ATP11B: variants seen among roughly 807,000 people sequenced by gnomAD.
The protein encoded by ATP11B is ATPase phospholipid transporting 11B (putative).
Under a neutral mutation model 157.8 loss-of-function variants are expected in ATP11B, and 81 were observed. That is an observed-to-expected ratio of 0.51 (90% CI 0.43 to 0.62). The LOEUF (loss-of-function observed/expected upper bound fraction) is 0.62, where lower values mean the gene tolerates loss of function less well. Among genes scored for constraint, ATP11B ranks in the 20% least tolerant of loss-of-function variants. The pLI is 0.00. For missense variants in ATP11B, 1,165 were observed against 1,402.2 expected (o/e 0.83, Z 2.70); for synonymous variants, 451 against 469.4 (o/e 0.96, Z 0.51).
At chr3:182,884,161 T>C (rs1433325259) in intron 21 of ATP11B, among the ~76,000 whole-genome samples, 1 of 152,094 alleles carries the variant, frequency 6.6e-6, no homozygotes, top group Non-Finnish European at 1.5e-5. Flanking sequence ...TTTTGAAACC[T>C]TAAGGATTAT....
chr3:182,836,709 A>G, intron 6 of ATP11B: 1 of 493,592 alleles, frequency 2.0e-6, no homozygotes. Context: ...GAAAAATATA[A>G]TCTTTTACTA....
At chr3:182,824,006 C>G (rs189827242) in intron 2 of ATP11B, among the ~76,000 whole-genome samples, 1 of 152,078 alleles carries the variant, frequency 6.6e-6, no homozygotes, top group East Asian at 1.9e-4. Context: ...CTCCTCACCC[C>G]CCAGGCACTA....
At chr3:182,805,760 C>T (rs143716726) in intron 1 of ATP11B, among the ~76,000 whole-genome samples, 5 of 151,886 alleles carry the variant, frequency 3.3e-5, no homozygotes, top group African/African-American at 1.2e-4. Flanking sequence ...CGCACTGGGC[C>T]GCTTGTTTTT....
At chr3:182,901,471 T>G (rs913230521) in intron 28 of ATP11B, among the ~76,000 whole-genome samples, 9 of 152,182 alleles carry the variant, frequency 5.9e-5, no homozygotes, top group Non-Finnish European at 1.2e-4. Context: ...TTATACTTAT[T>G]GATTTAGCAT....
chr3:182,836,399 C>T lies in ATP11B; in HGVS notation c.481C>T (p.Leu161=). The change falls in exon 6 of 30, where the codon CTG becomes TTG. Residue 161 remains leucine, a synonymous_variant. Transcript: ENST00000323116. ...AATTTTTCCTGCAGACTTGGTGCTTCTGTCCTCAGATCGACTGGATGGTTC... is the reference window on the plus strand; with the variant it reads ...AATTTTTCCTGCAGACTTGGTGCTTTTGTCCTCAGATCGACTGGATGGTTC... ...DEIFPADLVL[L]SSDRLDGSCH... The T allele has an allele frequency of 6.2e-7, 1 of 1,613,944 alleles. No homozygotes were observed.
intron 28 of ATP11B, among the ~76,000 whole-genome samples, chr3:182,902,720 G>A (rs1364826381): frequency 6.6e-6 from 1 of 151,066 alleles, no homozygotes; most frequent in East Asian, 1.9e-4. Context: ...TAACATATAC[G>A]TTAAAACCTA....
In ATP11B at chr3:182,866,299, T is replaced by A; in HGVS notation, c.1475T>A (p.Val492Asp). 6.3e-7 allele frequency: 1 copy of A among 1,594,812 alleles called. No homozygotes were observed. The highest frequency in any genetic ancestry group is 8.6e-7 in the Non-Finnish European group (1 of 1,169,418). The change falls in exon 14 of 30, where the codon GTC becomes GAC. Residue 492 changes from valine to aspartate, a missense_variant. Physicochemically the swap from Val to Asp is radical, Grantham distance 152 (BLOSUM62 -3). Coordinates refer to ENST00000323116, the MANE Select transcript of ATP11B (RefSeq NM_014616.3). ...GAACATGATCTCTTCTTTAAAGCAGTCAGTCTCTGTCACACTGTACAGATT... is the reference window on the plus strand; with the variant it reads ...GAACATGATCTCTTCTTTAAAGCAGACAGTCTCTGTCACACTGTACAGATT... ...IKEHDLFFKA[V>D]SLCHTVQISN...
At chr3:182,807,041 TA>T (rs34585140) in intron 1 of ATP11B, among the ~76,000 whole-genome samples, 106,203 of 150,092 alleles carry the variant, frequency 0.71, 37,828 homozygotes, top group Non-Finnish European at 0.77. Context: ...AGTATTAATT[TA>T]AAAAAAAAAA....
intron 19 of ATP11B, among the ~76,000 whole-genome samples, chr3:182,875,109 T>A (rs1721937667): frequency 6.6e-6 from 1 of 152,194 alleles, no homozygotes; most frequent in Non-Finnish European, 1.5e-5. Flanking sequence ...TTTTGCCCTG[T>A]ATGGGGGCAA....
intron 28 of ATP11B, among the ~76,000 whole-genome samples, chr3:182,905,452 G>A (rs1056660203): frequency 6.6e-6 from 1 of 152,204 alleles, no homozygotes; most frequent in African/African-American, 2.4e-5. Flanking sequence ...GGAAAGGTGA[G>A]AAATTGGACA....
At chr3:182,826,081 T>C (rs1014286494) in intron 2 of ATP11B, among the ~76,000 whole-genome samples, 9 of 152,346 alleles carry the variant, frequency 5.9e-5, no homozygotes, top group Admixed American at 5.9e-4. Flanking sequence ...TAATAAATTA[T>C]TTTCTTAGCA....
intron 2 of ATP11B, among the ~76,000 whole-genome samples, chr3:182,824,983 T>C (rs1576976390): frequency 6.6e-6 from 1 of 152,260 alleles, no homozygotes; most frequent in East Asian, 1.9e-4. Flanking sequence ...AATGTAAATA[T>C]TTATACAGAT....
chr3:182,897,991 A>G (rs1199701237), intron 27 of ATP11B, among the ~76,000 whole-genome samples: 2 of 152,020 alleles, frequency 1.3e-5, no homozygotes. Flanking sequence ...TTTGCCTGCT[A>G]TGTCTTTGAT....
At position 182,918,744 on chromosome 3, in the gene ATP11B, C is replaced by T. The variant is rs1249052485; in HGVS notation, c.*640C>T. On this transcript the variant is annotated 3_prime_UTR_variant, in exon 30 of 30. Transcript: ENST00000323116. The stretch of plus-strand genomic sequence containing the variant: ...ACCAATTCCTCTAACTGTACTGTAA[C>T]ACAGCCTGTAAAGTTAGCCATATAA... The T allele has an allele frequency of 5.5e-6, 1 of 182,142 alleles. No homozygotes were observed. Among genetic ancestry groups the T allele is most frequent in the Non-Finnish European group, 1.1e-5 (1 of 88,170 alleles). The allele number at this position is 182,142 out of a possible 1,614,324, so 11.3% of individuals were successfully genotyped here.
chr3:182,842,982 C>T (rs1193209339), intron 8 of ATP11B, among the ~76,000 whole-genome samples: 1 of 152,196 alleles, frequency 6.6e-6, no homozygotes, highest in Admixed American at 6.5e-5. Flanking sequence ...CTCTCAGATT[C>T]CAAAAGCAGC....
rs1218452517 is a variant in ATP11B, at chr3:182,859,243, G to A, written c.1084G>A (p.Glu362Lys). 1 of 1,612,318 alleles carries A rather than the reference G, an allele frequency of 6.2e-7. No individual in the cohort carries two copies. The highest frequency in any genetic ancestry group is 8.5e-7 in the Non-Finnish European group (1 of 1,179,070). Residue 362 changes from glutamate (E) to lysine (K), a missense_variant, in exon 12 of 30, where the codon GAA (glutamate) becomes AAA (lysine). Transcript: ENST00000323116. ...TCCAATTTCATTATATGTGACAGTCGAAATGCAGAAATTTCTTGGATCATT... is the reference window on the plus strand; with the variant it reads ...TCCAATTTCATTATATGTGACAGTCAAAATGCAGAAATTTCTTGGATCATT... Reference protein sequence around the residue: ...IIPISLYVTVEMQKFLGSFFI... With the variant: ...IIPISLYVTVKMQKFLGSFFI...
intron 22 of ATP11B, 72 bp from the exon 23 acceptor site, chr3:182,885,879 T>TA: frequency 9.5e-7 from 1 of 1,057,422 alleles, no homozygotes; most frequent in Non-Finnish European, 1.3e-6. Context: ...TTAACAGCCA[T>TA]TTTTTTTATT....
At chr3:182,833,244 T>C (rs1291231279) in intron 4 of ATP11B, among the ~76,000 whole-genome samples, 1 of 152,102 alleles carries the variant, frequency 6.6e-6, no homozygotes, top group Non-Finnish European at 1.5e-5. Flanking sequence ...AAAAATAAAA[T>C]GTGAGTGTTT....
At chr3:182,902,576 G>C (rs933571638) in intron 28 of ATP11B, 9 of 1,285,654 alleles carry the variant, frequency 7.0e-6, no homozygotes, top group Non-Finnish European at 8.1e-6. Flanking sequence ...GGTAGAGTAG[G>C]AGGAGTAGAG....
Sources: allele counts gnomAD v4.1 joint callset (sites outside exome capture counted in the v4.1 genomes callset), GRCh38; gene constraint gnomAD v4.1.1; transcripts MANE v1.5; gene names NCBI Gene and HGNC (gene_info 2026-07-23, HGNC 2026-07-21).